Variants in NBEAL1 observed in about 807,000 individuals in gnomAD.
NBEAL1 encodes neurobeachin like 1, also known as neurobeachin-like protein 1.
In NBEAL1, 273 loss-of-function variants were observed where a neutral mutation model predicts 351.3. The observed-to-expected ratio is 0.78, with a 90% CI of 0.70 to 0.86. The LOEUF is 0.86. Ranked by LOEUF, NBEAL1 falls within the 40% of genes least tolerant of loss-of-function variation. NBEAL1 has a pLI of 0.00. For synonymous variants in NBEAL1, 1,050 were observed against 1,086.4 expected (o/e 0.97, Z 0.66); for missense variants, 2,961 against 3,201.3 (o/e 0.92, Z 1.81).
At chr2:203,166,115 A>T in intron 36 of NBEAL1, 34 bp from the exon 37 acceptor site, 2 of 1,507,068 alleles carry the variant, frequency 1.3e-6, no homozygotes, top group Non-Finnish European at 1.8e-6. Context: ...TAAATGGTTG[A>T]ATTTTTCTGT....
chr2:203,038,277 A>G (rs1194862982), intron 2 of NBEAL1, among the ~76,000 whole-genome samples: 1 of 149,010 alleles, frequency 6.7e-6, no homozygotes. Context: ...ATATGTGTAT[A>G]TTTAACTTAA....
intron 35 of NBEAL1, among the ~76,000 whole-genome samples, chr2:203,152,943 C>G (rs1287196398): frequency 3.9e-5 from 6 of 151,982 alleles, no homozygotes; most frequent in African/African-American, 1.5e-4. Context: ...GAGGCTGAAG[C>G]AGGAGAATCA....
intron 3 of NBEAL1, among the ~76,000 whole-genome samples, chr2:203,043,361 A>G (rs1025159190): frequency 6.6e-6 from 1 of 152,136 alleles, no homozygotes; most frequent in South Asian, 2.1e-4. Flanking sequence ...TTGAAGGCCT[A>G]ATAGTTGTTC....
Position 203,145,071 on chromosome 2 carries a change from G to A in NBEAL1, c.5215G>A (p.Ala1739Thr), listed in dbSNP as rs375826918. 109 of 1,612,766 alleles carry A rather than the reference G, an allele frequency of 6.8e-5. No individual in the cohort carries two copies. The highest frequency in any genetic ancestry group is 1.6e-4 in the Middle Eastern group (1 of 6,080). ...HTFYDGHENMALYWKDCYEAL... is the reference protein window; with the variant it reads ...HTFYDGHENMTLYWKDCYEAL... ...ATTTTACGATGGTCATGAGAACATG[G>A]CACTTTATTGGAAGGATTGTTATGA... Residue 1739 changes from alanine to threonine, a missense_variant, in exon 33 of 56, where the codon GCA becomes ACA. Ala to Thr is a moderately conservative substitution (Grantham distance 58). Transcript: ENST00000683969.
intron 44 of NBEAL1, among the ~76,000 whole-genome samples, chr2:203,186,207 G>A (rs952323945): frequency 4.6e-5 from 7 of 152,198 alleles, no homozygotes; most frequent in African/African-American, 1.7e-4. Context: ...ACTCAGATTT[G>A]ACCCACAGAC....
At chr2:203,063,621 T>C (rs2061535975) in intron 6 of NBEAL1, among the ~76,000 whole-genome samples, 1 of 152,118 alleles carries the variant, frequency 6.6e-6, no homozygotes, top group South Asian at 2.1e-4. Flanking sequence ...TATGACTTGT[T>C]CATTCATTTA....
chr2:203,170,553 CT>C (rs1288026395), intron 39 of NBEAL1, among the ~76,000 whole-genome samples: 2 of 152,132 alleles, frequency 1.3e-5, no homozygotes, highest in African/African-American at 4.8e-5. Flanking sequence ...TGGATTTGTT[CT>C]GCCAGGACGC....
rs542176855 is a variant in NBEAL1, at chr2:203,151,498, T to C, written c.5496T>C (p.Asn1832=). The C allele has an allele frequency of 1.4e-4, 222 of 1,607,008 alleles. 2 individuals carry two copies. In the East Asian group the frequency reaches 2.2e-3, roughly 16 times the overall value. The part of the protein sequence containing the change: ...KQNPIHWKLA[N]VENYSRMRLK... ...ATCCAATTCACTGGAAGCTAGCTAA[T>C]GTAGAGAATTATTCCCGCATGAGAC... The change falls in exon 35 of 56, where the codon AAT becomes AAC. Residue 1832 remains asparagine (N), a synonymous_variant. Transcript: ENST00000683969.
At chr2:203,215,255 C>T (rs1352237614) in intron 55 of NBEAL1, among the ~76,000 whole-genome samples, 1 of 152,098 alleles carries the variant, frequency 6.6e-6, no homozygotes, top group Non-Finnish European at 1.5e-5. Flanking sequence ...AGTCCCAGCA[C>T]TTTGGGAGGC....
In NBEAL1 at chr2:203,068,459, C is replaced by T. The variant is rs1384349893; in HGVS notation, c.582C>T (p.Phe194=). 5.8e-6 allele frequency: 9 copies of T among 1,544,044 alleles called. No homozygotes were observed. The Admixed American group carries it at 7.9e-5, about 14-fold the overall frequency. The change falls in exon 7 of 56, where the codon TTC becomes TTT. Residue 194 remains phenylalanine, a synonymous_variant. Coordinates refer to ENST00000683969, the MANE Select transcript of NBEAL1 (RefSeq NM_001378026.1). ...KYKPASLTVE[F]VPFFYQCFQE... Reference sequence around the variant, plus strand: ...AACCAGCTTCTCTCACAGTGGAATTCGTCCCTTTCTTTTATCGTAAGTAAC... The same window carrying T: ...AACCAGCTTCTCTCACAGTGGAATTTGTCCCTTTCTTTTATCGTAAGTAAC...
Position 203,083,485 on chromosome 2 carries a change from G to A in NBEAL1, c.951G>A (p.Gln317=), listed in dbSNP as rs529778977. 3.9e-6 allele frequency: 6 copies of A among 1,550,578 alleles called. No individual in the cohort carries two copies. The highest frequency in any genetic ancestry group is 1.2e-5 in the South Asian group (1 of 83,774). Residue 317 remains glutamine (Q), a synonymous_variant, in exon 9 of 56, where the codon CAG becomes CAA. Coordinates refer to ENST00000683969, the MANE Select transcript of NBEAL1 (RefSeq NM_001378026.1). The part of the protein sequence containing the change: ...SALPNQRRSR[Q]WENRFIALQI... ...TACCTAATCAAAGGAGGTCCAGACA[G>A]TGGGAAAACCGATTTATTGCTCTAC...
At chr2:203,198,250 T>G (rs2065293612) in intron 48 of NBEAL1, among the ~76,000 whole-genome samples, 2 of 151,868 alleles carry the variant, frequency 1.3e-5, no homozygotes, top group African/African-American at 2.4e-5. Flanking sequence ...TGAGCTCAAG[T>G]GATCCTCCCA....
intron 10 of NBEAL1, among the ~76,000 whole-genome samples, chr2:203,089,166 C>T (rs1035381531): frequency 1.3e-5 from 2 of 152,126 alleles, no homozygotes; most frequent in Non-Finnish European, 2.9e-5. Context: ...CCAGACCAGC[C>T]TGGCCAACAT....
At chr2:203,119,356 T>C (rs1559379601) in intron 18 of NBEAL1, among the ~76,000 whole-genome samples, 2 of 150,142 alleles carry the variant, frequency 1.3e-5, no homozygotes, top group Non-Finnish European at 3.0e-5. Context: ...TGGGCTCAAG[T>C]GATCCACCCA....
Position 203,138,651 on chromosome 2 carries a change from G to A in NBEAL1, c.4751G>A (p.Cys1584Tyr). 1 of 1,611,862 alleles carries A rather than the reference G, an allele frequency of 6.2e-7. No homozygotes were observed. Among genetic ancestry groups the A allele is most frequent in the Non-Finnish European group, 8.5e-7 (1 of 1,179,382 alleles). ...GAGGATATGATGCTGCTCTTTGACT[G>A]TCTGTCAGTCTGCTATTCTGAAAGT... ...LLEDMMLLFD[C>Y]LSVCYSESPV... The change falls in exon 31 of 56, where the codon TGT (cysteine) becomes TAT (tyrosine). Residue 1584 changes from cysteine to tyrosine, a missense_variant. Physicochemically the swap from Cys to Tyr is radical, Grantham distance 194. Transcript: ENST00000683969.
chr2:203,121,521 G>A (rs1408500701), intron 18 of NBEAL1, among the ~76,000 whole-genome samples: 8 of 151,344 alleles, frequency 5.3e-5, no homozygotes, highest in South Asian at 2.1e-4. Flanking sequence ...ATGTGGTGGC[G>A]CACCACTGTA....
chr2:203,079,209 G>T (rs1486988682), intron 8 of NBEAL1, among the ~76,000 whole-genome samples: 1 of 152,104 alleles, frequency 6.6e-6, no homozygotes, highest in Non-Finnish European at 1.5e-5. Flanking sequence ...CTCCTAAGGA[G>T]CTGGGACTAC....
At chr2:203,150,538 A>G (rs925067924) in intron 34 of NBEAL1, among the ~76,000 whole-genome samples, 3 of 152,010 alleles carry the variant, frequency 2.0e-5, no homozygotes, top group Admixed American at 6.6e-5. Context: ...TTGATACAGG[A>G]AAGTTTTTAA....
intron 4 of NBEAL1, among the ~76,000 whole-genome samples, chr2:203,050,433 G>A (rs1210120952): frequency 1.3e-5 from 2 of 152,040 alleles, no homozygotes; most frequent in East Asian, 1.9e-4. Context: ...CCTAGTTATA[G>A]CAACATTAGC....
Sources: allele counts gnomAD v4.1 joint callset (sites outside exome capture counted in the v4.1 genomes callset), GRCh38; gene constraint gnomAD v4.1.1; transcripts MANE v1.5; gene names NCBI Gene and HGNC (gene_info 2026-07-23, HGNC 2026-07-21).